The following RB1CC1 variants were observed in gnomAD, a reference collection of about 807,000 sequenced individuals.
RB1CC1 encodes the protein RB1-inducible coiled-coil protein 1.
RB1CC1 carries 46 observed loss-of-function variants against 177.5 expected under a neutral mutation model. The ratio of observed to expected loss-of-function variants is 0.26; its 90% CI spans 0.20 to 0.33. RB1CC1 has a LOEUF of 0.33. RB1CC1 is among the 10% of genes least tolerant of loss of function. The pLI is 1.00. For missense variants in RB1CC1, 1,703 were observed against 1,816.3 expected, an observed-to-expected ratio of 0.94 and a Z score of 1.13; for synonymous variants, 666 against 613.6, an observed-to-expected ratio of 1.09 and a Z score of -1.26.
intron 18 of RB1CC1, among the ~76,000 whole-genome samples, chr8:52,641,978 T>TAAA (rs1013139562): frequency 1.3e-5 from 2 of 148,282 alleles, no homozygotes; most frequent in African/African-American, 4.9e-5. Context: ...ATAATAATAA[T>TAAA]AAAAAACCCT....
At chr8:52,670,393 T>A (rs1381878908) in intron 7 of RB1CC1, among the ~76,000 whole-genome samples, 1 of 152,216 alleles carries the variant, frequency 6.6e-6, no homozygotes, top group Non-Finnish European at 1.5e-5. Context: ...GATACATTAA[T>A]TTTTACTCTT....
intron 5 of RB1CC1, among the ~76,000 whole-genome samples, chr8:52,678,327 G>A (rs1166899654): frequency 6.6e-6 from 1 of 152,148 alleles, no homozygotes; most frequent in African/African-American, 2.4e-5. Flanking sequence ...TGAGGGAGGA[G>A]AATCACTTGA....
At chr8:52,650,348 CAT>C (rs1292468383) in intron 15 of RB1CC1, among the ~76,000 whole-genome samples, 2 of 152,200 alleles carry the variant, frequency 1.3e-5, no homozygotes, top group South Asian at 2.1e-4. Context: ...TGTAGCCAAA[CAT>C]GTGGGCAATG....
chr8:52,630,734 A>G (rs1848694945), intron 20 of RB1CC1, among the ~76,000 whole-genome samples: 1 of 152,204 alleles, frequency 6.6e-6, no homozygotes, highest in African/African-American at 2.4e-5. Flanking sequence ...TTTTTGAATC[A>G]CATTTTATTT....
At chr8:52,652,399 G>T (rs1241234583) in intron 15 of RB1CC1, among the ~76,000 whole-genome samples, 1 of 148,364 alleles carries the variant, frequency 6.7e-6, no homozygotes. Flanking sequence ...CTGGGAGGTT[G>T]CAGTGAGCCG....
chr8:52,640,057 T>C (rs1360088681), intron 18 of RB1CC1, among the ~76,000 whole-genome samples: 3 of 152,218 alleles, frequency 2.0e-5, no homozygotes, highest in Non-Finnish European at 2.9e-5. Context: ...TATTAATTCA[T>C]TTAAAAATAA....
At chr8:52,661,914 C>A (rs550276496) in intron 8 of RB1CC1, among the ~76,000 whole-genome samples, 195 bp from the exon 9 acceptor site, 2 of 152,024 alleles carry the variant, frequency 1.3e-5, no homozygotes, top group South Asian at 2.1e-4. Flanking sequence ...GAATCCTATG[C>A]TCATCTTTAA....
At chr8:52,631,664 A>T (rs1232639237) in intron 20 of RB1CC1, among the ~76,000 whole-genome samples, 4 of 152,222 alleles carry the variant, frequency 2.6e-5, no homozygotes, top group African/African-American at 9.6e-5. Flanking sequence ...TACACGGCCA[A>T]CATTGGTCCA....
chr8:52,685,577 TATC>T, intron 2 of RB1CC1, 57 bp from the exon 3 acceptor site: 1 of 643,594 alleles, frequency 1.6e-6, no homozygotes, highest in Non-Finnish European at 2.7e-6. Context: ...TCACAAATAC[TATC>T]ATCATTATGA....
intron 15 of RB1CC1, among the ~76,000 whole-genome samples, chr8:52,650,003 T>C (rs1426093111): frequency 6.6e-6 from 1 of 152,228 alleles, no homozygotes; most frequent in Non-Finnish European, 1.5e-5. Flanking sequence ...ATATCCTCTG[T>C]CCATTTTTCT....
intron 1 of RB1CC1, among the ~76,000 whole-genome samples, chr8:52,705,768 G>C (rs1383178095): frequency 6.6e-6 from 1 of 152,084 alleles, no homozygotes; most frequent in Non-Finnish European, 1.5e-5. Context: ...CCTGGGAGCT[G>C]GAGGCTACAG....
intron 5 of RB1CC1, among the ~76,000 whole-genome samples, chr8:52,678,929 G>C (rs1020272933): frequency 1.3e-5 from 2 of 152,096 alleles, no homozygotes; most frequent in African/African-American, 4.8e-5. Context: ...ATGAAGTAAA[G>C]ATGTCTTTGC....
chr8:52,707,493 T>G (rs1019031003), intron 1 of RB1CC1, among the ~76,000 whole-genome samples: 34 of 151,848 alleles, frequency 2.2e-4, no homozygotes, highest in African/African-American at 8.0e-4. Context: ...TTCAGTTATT[T>G]CTGTCCAAGT....
Position 52,637,022 on chromosome 8 carries a change from CTTTGTTA to C in RB1CC1, c.4338-960_4338-954del, listed in dbSNP as rs374087235. Among the ~76,000 whole-genome samples the C allele has an allele frequency of 5.3e-3, 802 of 150,102 alleles. 4 individuals are homozygous for C. Among genetic ancestry groups the C allele is most frequent in the African/African-American group, 0.019 (765 of 41,042 alleles). ...TTAAGATTAGTCAAACAGTGTGAGA[CTTTGTTA>C]TTTTTCAAGATTGCTTTGGCTATTT... is the stretch of plus-strand genomic sequence containing the variant. On this transcript the variant is annotated intron_variant, in intron 18 of 23. Transcript: ENST00000025008.
chr8:52,639,719 C>A (rs1304374358), intron 18 of RB1CC1, among the ~76,000 whole-genome samples: 4 of 152,136 alleles, frequency 2.6e-5, no homozygotes, highest in Non-Finnish European at 4.4e-5. Flanking sequence ...CTTCTACTGA[C>A]ATGACTCTAT....
intron 8 of RB1CC1, among the ~76,000 whole-genome samples, chr8:52,664,796 T>C (rs1851928568): frequency 6.6e-6 from 1 of 152,148 alleles, no homozygotes; most frequent in African/African-American, 2.4e-5. Context: ...GAAAAAGACT[T>C]TTCCTTGTAT....
intron 9 of RB1CC1, 63 bp from the exon 10 acceptor site, chr8:52,661,344 TAGTA>T: frequency 6.4e-7 from 1 of 1,566,326 alleles, no homozygotes; most frequent in Non-Finnish European, 8.7e-7. Flanking sequence ...GTTACTTACT[TAGTA>T]AGCTTACTAA....
intron 1 of RB1CC1, among the ~76,000 whole-genome samples, chr8:52,694,429 C>T (rs909744144): frequency 2.6e-5 from 4 of 152,126 alleles, no homozygotes; most frequent in African/African-American, 9.7e-5. Context: ...GGGCACAAAA[C>T]ATGCCCACCA....
At chr8:52,681,315 C>G (rs1422565887) in intron 5 of RB1CC1, among the ~76,000 whole-genome samples, 1 of 152,014 alleles carries the variant, frequency 6.6e-6, no homozygotes, top group African/African-American at 2.4e-5. Context: ...TCAATGTGTT[C>G]ATTGTGAAAA....
Sources: gnomAD v4.1 joint callset for allele counts (sites outside exome capture counted in the v4.1 genomes callset) on GRCh38, gnomAD v4.1.1 for gene constraint, MANE v1.5 for transcripts, NCBI Gene and HGNC (gene_info 2026-07-23, HGNC 2026-07-21) for gene names.